The following FAR2 variants were observed in gnomAD, a reference collection of about 807,000 sequenced individuals.
The protein encoded by FAR2 is fatty acyl-CoA reductase 2, also known as epididymis secretory protein Li 81.
A neutral mutation model predicts 56.0 loss-of-function variants in FAR2; 19 were observed. That is an observed-to-expected ratio of 0.34 (90% CI 0.24 to 0.50). The LOEUF (loss-of-function observed/expected upper bound fraction) is 0.50, where lower values mean the gene tolerates loss of function less well. Ranked by LOEUF, FAR2 falls within the 20% of genes least tolerant of loss-of-function variation. The probability of loss-of-function intolerance (pLI) is 0.98; values close to 1 mark genes in which losing one functional copy is unlikely to be tolerated. For synonymous variants in FAR2, 219 were observed against 218.8 expected (o/e 1.00, Z -0.01); for missense variants, 508 against 642.2 (o/e 0.79, Z 2.26).
chr12:29,160,653 T>C (rs1036021677), intron 1 of FAR2, among the ~76,000 whole-genome samples: 2 of 152,200 alleles, frequency 1.3e-5, no homozygotes, highest in African/African-American at 4.8e-5. Flanking sequence ...AGGCTAGATG[T>C]CTGAGATCCA....
At position 29,211,165 on chromosome 12, in the gene FAR2, C is replaced by G. The variant is rs375829579; in HGVS notation, c.-38-59247C>G. On this transcript the variant is annotated intron_variant, in intron 1 of 11. Transcript: ENST00000536681. ...TGTGGACCAGGTGCGGTGGCTCACACCTATAATCCCAACTACTTGGGAGGC... is the reference window on the plus strand; with the variant it reads ...TGTGGACCAGGTGCGGTGGCTCACAGCTATAATCCCAACTACTTGGGAGGC... Among the ~76,000 whole-genome samples, 9 of 152,120 alleles carry G rather than the reference C, an allele frequency of 5.9e-5. No individual in the cohort carries two copies. In the East Asian group the frequency reaches 1.5e-3, roughly 26 times the overall value.
intron 4 of FAR2, among the ~76,000 whole-genome samples, chr12:29,300,720 T>G (rs1949149641): frequency 6.6e-6 from 1 of 152,106 alleles, no homozygotes; most frequent in Non-Finnish European, 1.5e-5. Flanking sequence ...CAGTTCTTAT[T>G]TATTTATTTA....
In FAR2 at chr12:29,176,210, A is replaced by G. The variant is rs78449587; in HGVS notation, c.-39+26803A>G. Among the ~76,000 whole-genome samples the G allele has an allele frequency of 3.1e-4, 47 of 152,360 alleles. No homozygotes were observed. The East Asian group carries it at 9.1e-3, about 29-fold the overall frequency. ...GGGGAAATGCTTAGCAGCTTTATTT[A>G]AAGAAAAGATTTAATTTCTAATGGA... On this transcript the variant is annotated intron_variant, in intron 1 of 11. Coordinates refer to ENST00000536681, the MANE Select transcript of FAR2 (RefSeq NM_001271783.2).
intron 1 of FAR2, among the ~76,000 whole-genome samples, chr12:29,194,712 G>A (rs1333306701): frequency 6.6e-6 from 1 of 152,124 alleles, no homozygotes; most frequent in Non-Finnish European, 1.5e-5. Context: ...GGACAGGGTT[G>A]GGGTGAGGGT....
rs150814877 is a variant in FAR2, at chr12:29,212,424, G to T, written c.-38-57988G>T. Reference sequence around the variant, plus strand: ...TGGTTTCACTTTTACTGCTCTAACTGCTCTTCTCTGTCCTGTTTTAAATCT... The same window carrying T: ...TGGTTTCACTTTTACTGCTCTAACTTCTCTTCTCTGTCCTGTTTTAAATCT... On this transcript the variant is annotated intron_variant, in intron 1 of 11. Transcript: ENST00000536681. Among the ~76,000 whole-genome samples, 42 of 152,136 alleles carry T rather than the reference G, an allele frequency of 2.8e-4. 1 individual carries two copies. The East Asian group carries it at 6.8e-3, about 25-fold the overall frequency.
chr12:29,295,756 A>ATTTTTTTTTTTTT, intron 3 of FAR2, among the ~76,000 whole-genome samples: 1 of 88,384 alleles, frequency 1.1e-5, no homozygotes, highest in Non-Finnish European at 2.1e-5. Context: ...TTTTTACGTA[A>ATTTTTTTTTTTTT]TTTTTTTTTT....
At chr12:29,157,259 T>G (rs891894297) in intron 1 of FAR2, among the ~76,000 whole-genome samples, 2 of 151,782 alleles carry the variant, frequency 1.3e-5, no homozygotes, top group Non-Finnish European at 2.9e-5. Flanking sequence ...TAACATTTGC[T>G]TGTTGATTTA....
intron 1 of FAR2, among the ~76,000 whole-genome samples, chr12:29,177,761 T>C (rs1328520340): frequency 6.6e-6 from 1 of 152,228 alleles, no homozygotes; most frequent in East Asian, 1.9e-4. Flanking sequence ...ATTTCACAGA[T>C]GCGTTCCAAG....
chr12:29,297,984 C>T (rs1367771491), intron 4 of FAR2, among the ~76,000 whole-genome samples: 1 of 145,820 alleles, frequency 6.9e-6, no homozygotes, highest in African/African-American at 2.6e-5. Flanking sequence ...TGCAATGAGC[C>T]GAGATTGTGC....
intron 1 of FAR2, among the ~76,000 whole-genome samples, chr12:29,201,648 T>A (rs1947413726): frequency 6.6e-6 from 1 of 152,232 alleles, no homozygotes; most frequent in Non-Finnish European, 1.5e-5. Flanking sequence ...GCATTATTCA[T>A]GTTTTGAATT....
At chr12:29,291,130 C>T (rs1948958821) in intron 2 of FAR2, among the ~76,000 whole-genome samples, 1 of 151,692 alleles carries the variant, frequency 6.6e-6, no homozygotes, top group African/African-American at 2.4e-5. Context: ...TACTATGTAC[C>T]CACAGAAATT....
At chr12:29,302,236 GAAA>G (rs57752714) in intron 4 of FAR2, among the ~76,000 whole-genome samples, 159 of 93,068 alleles carry the variant, frequency 1.7e-3, no homozygotes, top group African/African-American at 4.6e-3. Context: ...CATCTCAAAG[GAAA>G]AAAAAAAAAA....
At chr12:29,247,632 A>T (rs894648096) in intron 1 of FAR2, among the ~76,000 whole-genome samples, 1 of 152,192 alleles carries the variant, frequency 6.6e-6, no homozygotes, top group African/African-American at 2.4e-5. Context: ...TGTAAGAACT[A>T]GGAAACAGAA....
intron 4 of FAR2, among the ~76,000 whole-genome samples, chr12:29,300,629 A>AGTTGTTGTTGTTGTT (rs34282694): frequency 4.0e-5 from 6 of 150,210 alleles, no homozygotes; most frequent in Admixed American, 3.3e-4. Context: ...CCTGGGGGAA[A>AGTTGTTGTTGTTGTT]GTTGTTGTTG....
intron 2 of FAR2, among the ~76,000 whole-genome samples, chr12:29,274,697 T>C (rs1036386353): frequency 1.3e-5 from 2 of 151,888 alleles, no homozygotes; most frequent in African/African-American, 4.8e-5. Context: ...CTGATGACAT[T>C]GTCTTGTGAA....
intron 1 of FAR2, among the ~76,000 whole-genome samples, chr12:29,269,366 G>A (rs1392265398): frequency 6.6e-6 from 1 of 152,176 alleles, no homozygotes; most frequent in Non-Finnish European, 1.5e-5. Flanking sequence ...CAGAGTTTAA[G>A]GTTATTTCTC....
chr12:29,155,713 T>C (rs1949720502), intron 1 of FAR2, among the ~76,000 whole-genome samples: 1 of 152,234 alleles, frequency 6.6e-6, no homozygotes, highest in South Asian at 2.1e-4. Flanking sequence ...GCTTGTATCA[T>C]TCGTCTAGTC....
intron 1 of FAR2, among the ~76,000 whole-genome samples, chr12:29,169,717 G>A (rs1177092694): frequency 1.3e-5 from 2 of 152,232 alleles, no homozygotes; most frequent in African/African-American, 4.8e-5. Flanking sequence ...CTGCCAAAGA[G>A]TCTATTTGGG....
intron 1 of FAR2, among the ~76,000 whole-genome samples, chr12:29,257,739 C>T (rs937738955): frequency 1.3e-5 from 2 of 152,080 alleles, no homozygotes; most frequent in African/African-American, 4.8e-5. Context: ...AGACCACGAA[C>T]CCACCAGAAG....
Sources: allele counts gnomAD v4.1 joint callset (sites outside exome capture counted in the v4.1 genomes callset), GRCh38; gene constraint gnomAD v4.1.1; transcripts MANE v1.5; gene names NCBI Gene and HGNC (gene_info 2026-07-23, HGNC 2026-07-21).